Variants in GLI3 observed in about 807,000 individuals in gnomAD.
The protein encoded by GLI3 is GLI family zinc finger 3.
Under a neutral mutation model 100.8 loss-of-function variants are expected in GLI3, and 20 were observed. The ratio of observed to expected loss-of-function variants is 0.20; its 90% CI spans 0.14 to 0.29. GLI3 has a LOEUF of 0.29. Ranked by LOEUF, GLI3 falls within the 10% of genes least tolerant of loss-of-function variation. The pLI is 1.00. For missense variants in GLI3, 2,040 were observed against 2,128.5 expected (o/e 0.96, Z 0.82); for synonymous variants, 938 against 860.5 (o/e 1.09, Z -1.58).
intron 2 of GLI3, among the ~76,000 whole-genome samples, chr7:42,211,721 T>C (rs1788277752): frequency 6.6e-6 from 1 of 152,196 alleles, no homozygotes; most frequent in African/African-American, 2.4e-5. Flanking sequence ...AAGCCTAGTA[T>C]TCATAACTGC....
chr7:42,041,126 G>T (rs1191673758), intron 6 of GLI3, among the ~76,000 whole-genome samples: 1 of 152,118 alleles, frequency 6.6e-6, no homozygotes, highest in East Asian at 1.9e-4. Flanking sequence ...TGATAACGAG[G>T]TACAATGAAC....
intron 4 of GLI3, among the ~76,000 whole-genome samples, chr7:42,075,866 T>A (rs1001335388): frequency 6.6e-6 from 1 of 152,242 alleles, no homozygotes; most frequent in Non-Finnish European, 1.5e-5. Flanking sequence ...TTCTTTGGCA[T>A]AATATGTAAT....
At chr7:42,195,554 GTCCC>G (rs1787912334) in intron 2 of GLI3, among the ~76,000 whole-genome samples, 1 of 152,102 alleles carries the variant, frequency 6.6e-6, no homozygotes, top group Non-Finnish European at 1.5e-5. Context: ...TCCAGGAAAT[GTCCC>G]CAGATGCCCA....
chr7:42,043,335 A>C (rs1206188524), intron 6 of GLI3, among the ~76,000 whole-genome samples: 1 of 152,154 alleles, frequency 6.6e-6, no homozygotes. Context: ...GTTCTTCCCA[A>C]CTCCTTAATA....
At chr7:42,175,538 A>G (rs1384045394) in intron 2 of GLI3, among the ~76,000 whole-genome samples, 1 of 152,102 alleles carries the variant, frequency 6.6e-6, no homozygotes, top group African/African-American at 2.4e-5. Flanking sequence ...GAATCACTGG[A>G]ACCTGGGAGG....
chr7:42,055,123 A>ATG lies in GLI3; in HGVS notation c.474-6428_474-6427insCA, dbSNP rs201862467. Among the ~76,000 whole-genome samples the ATG allele has an allele frequency of 5.9e-4, 88 of 150,334 alleles. 1 individual carries two copies. The highest frequency in any genetic ancestry group is 2.0e-3 in the African/African-American group (81 of 40,920). ...CATATATGTATATATACACATATAT[A>ATG]TACACATATATGTTTTTCTTCCTTT... On this transcript the variant is annotated intron_variant, in intron 4 of 14. Transcript: ENST00000395925.
At chr7:42,148,896 T>C (rs1327444825) in intron 2 of GLI3, among the ~76,000 whole-genome samples, 2 of 152,108 alleles carry the variant, frequency 1.3e-5, no homozygotes, top group Admixed American at 6.6e-5. Context: ...GCCTCCGGGG[T>C]GACACAAAGT....
chr7:42,263,684 G>T (rs1348204335), intron 1 of GLI3, among the ~76,000 whole-genome samples: 1 of 152,100 alleles, frequency 6.6e-6, no homozygotes, highest in Non-Finnish European at 1.5e-5. Flanking sequence ...CTGACTTAAA[G>T]TGATCTGCCT....
intron 3 of GLI3, among the ~76,000 whole-genome samples, chr7:42,115,765 G>A (rs533872097): frequency 1.4e-4 from 22 of 152,278 alleles, no homozygotes; most frequent in African/African-American, 5.3e-4. Flanking sequence ...TCACAGGTAT[G>A]CAGAGTCAGT....
chr7:42,224,468 A>AC (rs1438708486), intron 1 of GLI3, among the ~76,000 whole-genome samples: 1 of 152,210 alleles, frequency 6.6e-6, no homozygotes, highest in African/African-American at 2.4e-5. Context: ...GAATTCAAGT[A>AC]ACTAGAATGC....
intron 2 of GLI3, among the ~76,000 whole-genome samples, chr7:42,193,232 C>T (rs541951978): frequency 5.3e-5 from 8 of 152,188 alleles, no homozygotes; most frequent in East Asian, 1.9e-4. Context: ...AAAGGAAAGC[C>T]GAGAGCACAT....
At chr7:42,007,768 A>G (rs1280360216) in intron 10 of GLI3, among the ~76,000 whole-genome samples, 1 of 152,222 alleles carries the variant, frequency 6.6e-6, no homozygotes, top group African/African-American at 2.4e-5. Flanking sequence ...TGGCTCTGGT[A>G]TACAAGGAAA....
intron 1 of GLI3, among the ~76,000 whole-genome samples, chr7:42,257,739 G>GT (rs1015373232): frequency 1.3e-5 from 2 of 150,982 alleles, no homozygotes; most frequent in African/African-American, 4.9e-5. Flanking sequence ...TTTGCTGATT[G>GT]TTTTTTAAAA....
chr7:42,036,308 T>C (rs1217810002), intron 7 of GLI3, among the ~76,000 whole-genome samples: 3 of 152,190 alleles, frequency 2.0e-5, no homozygotes, highest in African/African-American at 7.2e-5. Flanking sequence ...ATGTAGAAAC[T>C]TACTTTAATA....
chr7:42,178,812 G>A (rs552895118), intron 2 of GLI3, among the ~76,000 whole-genome samples: 1 of 152,294 alleles, frequency 6.6e-6, no homozygotes, highest in South Asian at 2.1e-4. Context: ...GCAACCGGGG[G>A]TAGGCAGGAG....
chr7:42,047,719 C>T (rs1784272548), intron 5 of GLI3, among the ~76,000 whole-genome samples: 2 of 152,198 alleles, frequency 1.3e-5, no homozygotes, highest in Admixed American at 1.3e-4. Flanking sequence ...GGAATTCGAT[C>T]CTTAAGAGCC....
At chr7:42,015,210 T>C (rs920876632) in intron 10 of GLI3, among the ~76,000 whole-genome samples, 1 of 152,126 alleles carries the variant, frequency 6.6e-6, no homozygotes, top group African/African-American at 2.4e-5. Flanking sequence ...CTGGCAGATG[T>C]AGGAATGAAA....
At chr7:42,160,285 A>T (rs1787101222) in intron 2 of GLI3, among the ~76,000 whole-genome samples, 1 of 152,216 alleles carries the variant, frequency 6.6e-6, no homozygotes, top group South Asian at 2.1e-4. Context: ...CAGGCCTTGG[A>T]TGTCCAGGTT....
At chr7:42,126,358 C>G (rs1216764406) in intron 3 of GLI3, among the ~76,000 whole-genome samples, 2 of 151,526 alleles carry the variant, frequency 1.3e-5, no homozygotes, top group Non-Finnish European at 2.9e-5. Flanking sequence ...ATTTCTCATA[C>G]TGAGTGAAAT....
Sources: gnomAD v4.1 joint callset for allele counts (sites outside exome capture counted in the v4.1 genomes callset) on GRCh38, gnomAD v4.1.1 for gene constraint, MANE v1.5 for transcripts, NCBI Gene and HGNC (gene_info 2026-07-23, HGNC 2026-07-21) for gene names.